DMD: variants seen among roughly 807,000 people sequenced by gnomAD.
DMD encodes the protein dystrophin.
Under a neutral mutation model 330.1 loss-of-function variants are expected in DMD, and 63 were observed. The observed-to-expected ratio is 0.19, with a 90% CI of 0.16 to 0.24. The LOEUF (loss-of-function observed/expected upper bound fraction) is 0.24. DMD is among the 10% of genes least tolerant of loss of function. The probability of loss-of-function intolerance (pLI) is 1.00; values close to 1 mark genes in which losing one functional copy is unlikely to be tolerated. For missense variants in DMD, 3,344 were observed against 2,684.1 expected, an observed-to-expected ratio of 1.25 and a Z score of -5.43; for synonymous variants, 1,223 against 959.8, an observed-to-expected ratio of 1.27 and a Z score of -5.07.
intron 20 of DMD, among the ~76,000 whole-genome samples, chrX:32,490,911 T>A (rs1254391404): frequency 8.9e-6 from 1 of 112,255 alleles, no homozygotes; most frequent in East Asian, 2.8e-4. Context: ...TTCTAACTAT[T>A]TCCATGGATT....
intron 44 of DMD, among the ~76,000 whole-genome samples, chrX:32,037,691 T>A (rs1331467021): frequency 9.0e-6 from 1 of 111,448 alleles, no homozygotes; most frequent in Non-Finnish European, 1.9e-5. Context: ...TTTTTGTAAC[T>A]ATCCCATGAT....
intron 43 of DMD, among the ~76,000 whole-genome samples, chrX:32,262,307 T>G (rs1272573673): frequency 9.0e-6 from 1 of 111,468 alleles, no homozygotes; most frequent in Non-Finnish European, 1.9e-5. Flanking sequence ...AAACGCAAAC[T>G]TATCTATAAT....
chrX:31,985,272 G>C (rs947982958), intron 44 of DMD, among the ~76,000 whole-genome samples: 1 of 111,924 alleles, frequency 8.9e-6, no homozygotes, highest in African/African-American at 3.2e-5. Flanking sequence ...CAAAACGTCT[G>C]CATGATGATT....
At chrX:31,729,877 T>G in intron 51 of DMD, 129 bp from the exon 52 acceptor site, 3 of 527,765 alleles carry the variant, frequency 5.7e-6, no homozygotes, top group Non-Finnish European at 9.9e-6. Flanking sequence ...TGTTACTGTA[T>G]AAGGGTTTAT....
At chrX:31,516,190 T>C (rs1335773491) in intron 55 of DMD, among the ~76,000 whole-genome samples, 1 of 110,189 alleles carries the variant, frequency 9.1e-6, no homozygotes, top group East Asian at 2.8e-4. Flanking sequence ...ATTTTGTATG[T>C]CTGGTATTTG....
At chrX:32,380,413 A>G in intron 34 of DMD, 97 bp downstream of exon 34, 1 of 790,963 alleles carries the variant, frequency 1.3e-6, no homozygotes, top group Non-Finnish European at 1.9e-6. Context: ...ATTAATATTT[A>G]TAATGCTATT....
chrX:33,175,087 T>C (rs959061358), intron 1 of DMD, among the ~76,000 whole-genome samples: 9 of 111,808 alleles, frequency 8.0e-5, no homozygotes, highest in Admixed American at 4.8e-4. Flanking sequence ...TTGGGAGGAG[T>C]TGCAAAATAT....
chrX:33,122,627 A>G (rs141028235), intron 1 of DMD, among the ~76,000 whole-genome samples: 340 of 112,633 alleles, frequency 3.0e-3, no homozygotes, highest in African/African-American at 0.011. Flanking sequence ...ACCATAATGT[A>G]TTTTCAAATA....
intron 1 of DMD, among the ~76,000 whole-genome samples, chrX:33,302,744 G>A (rs2053684747): frequency 9.0e-6 from 1 of 111,420 alleles, no homozygotes; most frequent in Non-Finnish European, 1.9e-5. Context: ...GGGTACATTT[G>A]TTACAATTGA....
chrX:31,951,351 C>A (rs1361906532), intron 45 of DMD, among the ~76,000 whole-genome samples: 1 of 106,174 alleles, frequency 9.4e-6, no homozygotes, highest in Non-Finnish European at 1.9e-5. Context: ...CAGAAAGTTT[C>A]ACATTTTAGA....
chrX:31,360,121 T>C, intron 60 of DMD, among the ~76,000 whole-genome samples: 1 of 110,608 alleles, frequency 9.0e-6, no homozygotes, highest in Non-Finnish European at 1.9e-5. Flanking sequence ...AAGAGTTGAA[T>C]AATACAAGGC....
At chrX:32,986,381 CCTTT>C (rs2092844402) in intron 2 of DMD, among the ~76,000 whole-genome samples, 2 of 111,845 alleles carry the variant, frequency 1.8e-5, no homozygotes, top group African/African-American at 6.5e-5. Flanking sequence ...TAGAAAATTA[CCTTT>C]TTTTGGTGAC....
chrX:32,115,538 C>T (rs763269165), intron 44 of DMD, among the ~76,000 whole-genome samples: 3 of 111,335 alleles, frequency 2.7e-5, no homozygotes, highest in African/African-American at 9.8e-5. Flanking sequence ...CCACTGTGTC[C>T]GGCCAACTCT....
chrX:32,425,557 T>C (rs2098208870), intron 29 of DMD, among the ~76,000 whole-genome samples: 1 of 111,891 alleles, frequency 8.9e-6, no homozygotes, highest in Admixed American at 9.6e-5. Flanking sequence ...TACTGGCCTT[T>C]CTTTCTCATT....
At chrX:32,042,142 CATATATACATACAT>C (rs2096013419) in intron 44 of DMD, among the ~76,000 whole-genome samples, 1 of 81,672 alleles carries the variant, frequency 1.2e-5, no homozygotes, top group African/African-American at 4.8e-5. Flanking sequence ...TATATACATA[CATATATACATACAT>C]ATACACACAT....
At chrX:31,342,432 T>C (rs1288502270) in intron 61 of DMD, among the ~76,000 whole-genome samples, 2 of 111,923 alleles carry the variant, frequency 1.8e-5, no homozygotes, top group African/African-American at 6.5e-5. Context: ...AGACTCCTTA[T>C]CCTCTTAGAG....
At chrX:32,430,082 G>C (rs771430649) in intron 29 of DMD, among the ~76,000 whole-genome samples, 26 of 110,954 alleles carry the variant, frequency 2.3e-4, no homozygotes, top group Non-Finnish European at 4.0e-4. Context: ...GTTGAGTTCA[G>C]AATTCTAGGT....
chrX:31,768,080 G>C, intron 51 of DMD, among the ~76,000 whole-genome samples: 1 of 111,441 alleles, frequency 9.0e-6, no homozygotes, highest in Non-Finnish European at 1.9e-5. Context: ...AGGATAAAAT[G>C]CCTTTGCCAA....
intron 25 of DMD, among the ~76,000 whole-genome samples, chrX:32,455,145 T>C (rs1236354938): frequency 9.0e-6 from 1 of 111,301 alleles, no homozygotes; most frequent in African/African-American, 3.2e-5. Context: ...AATAATATGT[T>C]TCAGTTGGAA....
Sources: allele counts gnomAD v4.1 joint callset (sites outside exome capture counted in the v4.1 genomes callset), GRCh38; gene constraint gnomAD v4.1.1; transcripts MANE v1.5; gene names NCBI Gene and HGNC (gene_info 2026-07-23, HGNC 2026-07-21).